Variants in NCKAP5 observed in about 807,000 individuals in gnomAD.
The protein encoded by NCKAP5 is NCK associated protein 5.
NCKAP5 carries 92 observed loss-of-function variants against 167.0 expected under a neutral mutation model. That is an observed-to-expected ratio of 0.55 (90% CI 0.47 to 0.66). The LOEUF (loss-of-function observed/expected upper bound fraction) is 0.66. NCKAP5 is among the 30% of genes least tolerant of loss of function. NCKAP5 has a pLI of 0.00. For synonymous variants in NCKAP5, 891 were observed against 877.4 expected (o/e 1.02, Z -0.27); for missense variants, 2,378 against 2,315.0 (o/e 1.03, Z -0.56).
chr2:132,829,252 G>C lies in NCKAP5; in HGVS notation c.807+31240C>G, dbSNP rs1321196058. On this transcript the variant is annotated intron_variant, in intron 11 of 19. Coordinates refer to ENST00000409261, the MANE Select transcript of NCKAP5 (RefSeq NM_207363.3). ...AAGGGTTGATTTATAGGCTTATTAA[G>C]TGTATGCTTTGTGGAAAGTTTGAAG... is the stretch of plus-strand genomic sequence containing the variant. Among the ~76,000 whole-genome samples the C allele has an allele frequency of 2.6e-5, 4 of 152,286 alleles. No individual in the cohort carries two copies. In the East Asian group the frequency reaches 5.8e-4, roughly 22 times the overall value.
At chr2:133,426,144 C>T (rs139423783) in intron 3 of NCKAP5, among the ~76,000 whole-genome samples, 2,261 of 152,136 alleles carry the variant, frequency 0.015, 27 homozygotes, top group Non-Finnish European at 0.026. Context: ...GTGGTGCGTG[C>T]CTGTAATCCC....
the NCKAP5 span, among the ~76,000 whole-genome samples, chr2:133,624,747 C>T: frequency 6.6e-6 from 1 of 152,156 alleles, no homozygotes; most frequent in Admixed American, 6.5e-5. Flanking sequence ...CCCTAACAGC[C>T]GCTTTACAGA....
chr2:133,573,913 A>G, the NCKAP5 span, among the ~76,000 whole-genome samples: 5 of 152,222 alleles, frequency 3.3e-5, no homozygotes, highest in African/African-American at 1.2e-4. Context: ...TCATTAAACT[A>G]CAAGATGCAA....
At chr2:132,714,919 G>A (rs1427056914) in intron 19 of NCKAP5, 2 of 455,368 alleles carry the variant, frequency 4.4e-6, no homozygotes, top group Admixed American at 2.4e-5. Flanking sequence ...AGGGCTCATG[G>A]CTTTGGGTTT....
At chr2:133,051,274 C>T (rs941573579) in intron 6 of NCKAP5, among the ~76,000 whole-genome samples, 2 of 152,232 alleles carry the variant, frequency 1.3e-5, no homozygotes, top group African/African-American at 4.8e-5. Flanking sequence ...GCAGCCCTAA[C>T]GACCTTACTT....
intron 6 of NCKAP5, among the ~76,000 whole-genome samples, chr2:133,077,550 C>T (rs779497903): frequency 2.0e-5 from 3 of 152,140 alleles, no homozygotes; most frequent in Non-Finnish European, 4.4e-5. Flanking sequence ...CTACTTACTG[C>T]TTTTAGCATT....
chr2:133,436,223 G>A (rs1434047557), intron 3 of NCKAP5, among the ~76,000 whole-genome samples: 1 of 152,194 alleles, frequency 6.6e-6, no homozygotes, highest in African/African-American at 2.4e-5. Context: ...AGTTCTGGCT[G>A]CCTGTTAGAA....
chr2:133,204,998 G>T (rs1186659150), intron 5 of NCKAP5, among the ~76,000 whole-genome samples: 1 of 152,106 alleles, frequency 6.6e-6, no homozygotes, highest in Non-Finnish European at 1.5e-5. Flanking sequence ...TATATAAATT[G>T]TCACAGCAAG....
intron 5 of NCKAP5, among the ~76,000 whole-genome samples, chr2:133,172,792 C>G (rs191420155): frequency 6.6e-6 from 1 of 152,082 alleles, no homozygotes; most frequent in Non-Finnish European, 1.5e-5. Context: ...GGACTACAGG[C>G]GCCCACCAAC....
chr2:133,143,678 A>G (rs1254440892), intron 5 of NCKAP5, among the ~76,000 whole-genome samples: 1 of 152,116 alleles, frequency 6.6e-6, no homozygotes, highest in Admixed American at 6.6e-5. Context: ...GAGAGAGAGA[A>G]AAAGAGAGAC....
chr2:133,429,517 T>G (rs1189597639), intron 3 of NCKAP5, among the ~76,000 whole-genome samples: 1 of 152,122 alleles, frequency 6.6e-6, no homozygotes, highest in Non-Finnish European at 1.5e-5. Flanking sequence ...CCCAGCTGTA[T>G]GTCTGTGTGC....
intron 8 of NCKAP5, among the ~76,000 whole-genome samples, chr2:132,906,524 T>G (rs1694023135): frequency 2.0e-5 from 3 of 152,094 alleles, no homozygotes; most frequent in Non-Finnish European, 2.9e-5. Flanking sequence ...GAAGAAGGCA[T>G]GAAAATACTT....
At chr2:132,716,798 T>C (rs1280961813) in intron 19 of NCKAP5, among the ~76,000 whole-genome samples, 2 of 152,174 alleles carry the variant, frequency 1.3e-5, no homozygotes, top group African/African-American at 4.8e-5. Flanking sequence ...ATCATGACAT[T>C]TGCTTTCTTA....
At chr2:133,055,285 T>A (rs2079756565) in intron 6 of NCKAP5, among the ~76,000 whole-genome samples, 1 of 151,952 alleles carries the variant, frequency 6.6e-6, no homozygotes, top group South Asian at 2.1e-4. Context: ...TCAAAAGTGA[T>A]ACACCGAGCC....
chr2:133,327,380 G>T (rs755405541), intron 3 of NCKAP5, among the ~76,000 whole-genome samples: 2 of 152,176 alleles, frequency 1.3e-5, no homozygotes, highest in African/African-American at 4.8e-5. Flanking sequence ...AGGTAAGAAA[G>T]GACCTTGGAA....
chr2:133,258,620 C>T lies in NCKAP5; in HGVS notation c.143+44417G>A, dbSNP rs148429550. ...ATTAGCCAGGCATGATGGTGCATGC[C>T]TATAGTCGCAGCTACTAGGGAGGCT... On this transcript the variant is annotated intron_variant, in intron 4 of 19. Coordinates refer to ENST00000409261, the MANE Select transcript of NCKAP5 (RefSeq NM_207363.3). Among the ~76,000 whole-genome samples, 231 of 152,014 alleles carry T rather than the reference C, an allele frequency of 1.5e-3. 1 individual carries two copies. The highest frequency in any genetic ancestry group is 4.4e-3 in the Admixed American group (67 of 15,264).
At chr2:133,442,273 C>T (rs1456869481) in intron 3 of NCKAP5, among the ~76,000 whole-genome samples, 2 of 152,142 alleles carry the variant, frequency 1.3e-5, no homozygotes, top group African/African-American at 2.4e-5. Flanking sequence ...ATTAATGACT[C>T]TAGACAGAGC....
chr2:132,673,785 C>T (rs990362839), intron 19 of NCKAP5, among the ~76,000 whole-genome samples: 9 of 152,024 alleles, frequency 5.9e-5, no homozygotes, highest in African/African-American at 2.2e-4. Context: ...AGAAGCATTG[C>T]CATTTTAGTA....
At chr2:133,436,267 C>G (rs1423463780) in intron 3 of NCKAP5, among the ~76,000 whole-genome samples, 1 of 152,168 alleles carries the variant, frequency 6.6e-6, no homozygotes, top group Non-Finnish European at 1.5e-5. Flanking sequence ...ATGGCCAGAA[C>G]CTGGATCCAC....
Sources: gnomAD v4.1 joint callset for allele counts (sites outside exome capture counted in the v4.1 genomes callset) on GRCh38, gnomAD v4.1.1 for gene constraint, MANE v1.5 for transcripts, NCBI Gene and HGNC (gene_info 2026-07-23, HGNC 2026-07-21) for gene names.